The following PTPRD variants were observed in gnomAD, a reference collection of about 807,000 sequenced individuals.
PTPRD encodes protein tyrosine phosphatase receptor type D.
Under a neutral mutation model 214.5 loss-of-function variants are expected in PTPRD, and 34 were observed. The observed-to-expected ratio is 0.16, with a 90% CI of 0.12 to 0.21. The LOEUF is 0.21. Among genes scored for constraint, PTPRD ranks in the 10% least tolerant of loss-of-function variants. The probability of loss-of-function intolerance (pLI) is 1.00; values close to 1 mark genes in which losing one functional copy is unlikely to be tolerated. For missense variants in PTPRD, 2,545 were observed against 2,398.7 expected (o/e 1.06, Z -1.27); for synonymous variants, 1,128 against 845.7 (o/e 1.33, Z -5.79).
At chr9:9,089,013 T>TC in intron 10 of PTPRD, among the ~76,000 whole-genome samples, 1 of 152,326 alleles carries the variant, frequency 6.6e-6, no homozygotes, top group Non-Finnish European at 1.5e-5. Flanking sequence ...CAAGGGTTTT[T>TC]CACTCAACAT....
At chr9:10,039,156 A>G (rs1044685544) in intron 3 of PTPRD, among the ~76,000 whole-genome samples, 1 of 152,144 alleles carries the variant, frequency 6.6e-6, no homozygotes, top group Non-Finnish European at 1.5e-5. Context: ...AATTCAAATC[A>G]TCAAAATTAT....
At chr9:9,089,970 G>A (rs2099773223) in intron 10 of PTPRD, among the ~76,000 whole-genome samples, 1 of 151,860 alleles carries the variant, frequency 6.6e-6, no homozygotes, top group Non-Finnish European at 1.5e-5. Flanking sequence ...ATATTTATGG[G>A]GTATATGTGA....
Position 10,375,645 on chromosome 9 carries a change from T to C in PTPRD, c.-599-34628A>G, listed in dbSNP as rs181974050. On this transcript the variant is annotated intron_variant, in intron 2 of 45. Coordinates refer to ENST00000381196, the MANE Select transcript of PTPRD (RefSeq NM_002839.4). ...GGCACATTATTGCTTTAATAGGAAT[T>C]GTGAATATTTTATCACCATAATCCC... 2.4e-3 allele frequency among the ~76,000 whole-genome samples: 371 copies of C among 152,158 alleles called. 5 individuals carry two copies. The South Asian group carries it at 0.033, about 14-fold the overall frequency.
chr9:8,957,651 A>G (rs2099138235), intron 11 of PTPRD, among the ~76,000 whole-genome samples: 1 of 151,940 alleles, frequency 6.6e-6, no homozygotes, highest in Admixed American at 6.6e-5. Context: ...CTTCAAAGAC[A>G]AGATGTACAT....
At position 8,527,040 on chromosome 9, in the gene PTPRD, C is replaced by T. The variant is rs918328959; in HGVS notation, c.550+305G>A. Among the ~76,000 whole-genome samples, 16 of 150,722 alleles carry T rather than the reference C, an allele frequency of 1.1e-4. No individual in the cohort carries two copies. In the East Asian group the frequency reaches 2.7e-3, roughly 26 times the overall value. On this transcript the variant is annotated intron_variant, in intron 16 of 45. Transcript: ENST00000381196. ...CTATTTAAGTATATATATAGATATGCATATATATATATACTGTGATAGGAA... is the reference window on the plus strand; with the variant it reads ...CTATTTAAGTATATATATAGATATGTATATATATATATACTGTGATAGGAA...
chr9:9,816,417 G>A (rs1046859106), intron 5 of PTPRD, among the ~76,000 whole-genome samples: 3 of 151,832 alleles, frequency 2.0e-5, no homozygotes, highest in African/African-American at 7.3e-5. Flanking sequence ...ACACAAATAA[G>A]CTATCTAATG....
chr9:9,626,605 A>G (rs769928390), intron 7 of PTPRD, among the ~76,000 whole-genome samples: 9 of 152,186 alleles, frequency 5.9e-5, no homozygotes, highest in Non-Finnish European at 8.8e-5. Flanking sequence ...ATTTTTCTTA[A>G]AAGTTTCACA....
intron 2 of PTPRD, among the ~76,000 whole-genome samples, chr9:10,364,068 C>T (rs945289431): frequency 4.5e-5 from 6 of 133,822 alleles, no homozygotes; most frequent in East Asian, 5.2e-4. Context: ...GACGTGATCT[C>T]GGCTCACTAC....
At chr9:8,927,499 G>C (rs1400977521) in intron 11 of PTPRD, among the ~76,000 whole-genome samples, 9 of 152,038 alleles carry the variant, frequency 5.9e-5, no homozygotes, top group Non-Finnish European at 1.2e-4. Context: ...GAGAATGATG[G>C]TTTCCAGCTT....
intron 5 of PTPRD, among the ~76,000 whole-genome samples, chr9:9,810,150 G>C (rs905700516): frequency 1.1e-4 from 7 of 66,420 alleles, no homozygotes; most frequent in African/African-American, 7.4e-4. Flanking sequence ...AAAAAAAAAA[G>C]CAAATATATT....
chr9:9,750,713 A>G (rs754949379), intron 6 of PTPRD, among the ~76,000 whole-genome samples: 19 of 152,142 alleles, frequency 1.2e-4, no homozygotes, highest in African/African-American at 2.4e-4. Context: ...AACATTTTCA[A>G]TCACTAACAA....
intron 11 of PTPRD, among the ~76,000 whole-genome samples, chr9:8,748,241 C>G (rs1351779926): frequency 6.6e-6 from 1 of 152,120 alleles, no homozygotes; most frequent in Middle Eastern, 3.2e-3. Context: ...ATAAGAATCC[C>G]TAAGCCTAGC....
chr9:8,488,785 C>T (rs2097090422), intron 27 of PTPRD, among the ~76,000 whole-genome samples: 1 of 152,156 alleles, frequency 6.6e-6, no homozygotes, highest in Non-Finnish European at 1.5e-5. Flanking sequence ...GGATTAAACA[C>T]CTGAGTCTCT....
chr9:9,155,367 A>C (rs1427874802), intron 10 of PTPRD, among the ~76,000 whole-genome samples: 1 of 152,148 alleles, frequency 6.6e-6, no homozygotes. Flanking sequence ...GCAATCCTAG[A>C]ATACAAGAGT....
intron 12 of PTPRD, among the ~76,000 whole-genome samples, chr9:8,655,469 C>T (rs935558513): frequency 2.6e-5 from 4 of 152,132 alleles, no homozygotes; most frequent in Non-Finnish European, 4.4e-5. Context: ...TAATAAAAAG[C>T]ATTTTCTGGA....
intron 10 of PTPRD, among the ~76,000 whole-genome samples, chr9:9,024,470 T>A (rs2154372064): frequency 6.6e-6 from 1 of 151,504 alleles, no homozygotes; most frequent in South Asian, 2.1e-4. Context: ...GCTTGCATAT[T>A]AAATTACAAA....
At chr9:10,359,845 A>G (rs1452901470) in intron 2 of PTPRD, among the ~76,000 whole-genome samples, 2 of 152,164 alleles carry the variant, frequency 1.3e-5, no homozygotes, top group African/African-American at 4.8e-5. Context: ...TGGTTTTAAA[A>G]GTTGAGATGT....
chr9:9,319,597 G>A (rs768017423), intron 9 of PTPRD, among the ~76,000 whole-genome samples: 5 of 152,076 alleles, frequency 3.3e-5, no homozygotes, highest in Non-Finnish European at 7.4e-5. Context: ...TTCCCCATAT[G>A]TCTTCTACTC....
intron 10 of PTPRD, among the ~76,000 whole-genome samples, chr9:9,164,284 C>G (rs1163225288): frequency 6.6e-6 from 1 of 152,106 alleles, no homozygotes; most frequent in Admixed American, 6.6e-5. Context: ...CCTCTATCTT[C>G]AAAGTCAGCA....
Sources: gnomAD v4.1 joint callset for allele counts (sites outside exome capture counted in the v4.1 genomes callset) on GRCh38, gnomAD v4.1.1 for gene constraint, MANE v1.5 for transcripts, NCBI Gene and HGNC (gene_info 2026-07-23, HGNC 2026-07-21) for gene names.